The following DMD variants were observed in gnomAD, a reference collection of about 807,000 sequenced individuals.
DMD encodes mutant dystrophin.
A neutral mutation model predicts 330.1 loss-of-function variants in DMD; 63 were observed. That is an observed-to-expected ratio of 0.19 (90% CI 0.16 to 0.24). The LOEUF is 0.24. DMD is among the 10% of genes least tolerant of loss of function. The pLI is 1.00. For synonymous variants in DMD, 1,223 were observed against 959.8 expected, an observed-to-expected ratio of 1.27 and a Z score of -5.07; for missense variants, 3,344 against 2,684.1, an observed-to-expected ratio of 1.25 and a Z score of -5.43.
At chrX:31,630,360 G>A (rs1009302932) in intron 54 of DMD, among the ~76,000 whole-genome samples, 2 of 111,920 alleles carry the variant, frequency 1.8e-5, no homozygotes, top group African/African-American at 6.5e-5. Context: ...TGGAAAATAC[G>A]TTAAAAATTC....
intron 44 of DMD, among the ~76,000 whole-genome samples, chrX:31,998,449 G>A (rs1051532935): frequency 4.5e-5 from 5 of 111,968 alleles, no homozygotes; most frequent in African/African-American, 1.6e-4. Flanking sequence ...GACAGATGAA[G>A]TTAATTTTAA....
At chrX:33,309,978 C>T (rs1268420343) in intron 1 of DMD, among the ~76,000 whole-genome samples, 2 of 110,656 alleles carry the variant, frequency 1.8e-5, no homozygotes, top group East Asian at 5.7e-4. Context: ...GTCTGAAAAT[C>T]AAATGCAAGA....
chrX:32,666,192 CTT>C (rs962779294), intron 9 of DMD, among the ~76,000 whole-genome samples: 1 of 110,855 alleles, frequency 9.0e-6, no homozygotes, highest in African/African-American at 3.3e-5. Flanking sequence ...TCCTAGGTGT[CTT>C]TTTTTATTAT....
intron 1 of DMD, among the ~76,000 whole-genome samples, chrX:33,256,946 T>C (rs941029941): frequency 9.0e-6 from 1 of 110,811 alleles, no homozygotes; most frequent in African/African-American, 3.3e-5. Context: ...TTTGTAAACG[T>C]GTAACGGAGT....
At chrX:31,492,055 A>G (rs972414992) in intron 57 of DMD, among the ~76,000 whole-genome samples, 1 of 112,233 alleles carries the variant, frequency 8.9e-6, no homozygotes, top group South Asian at 3.7e-4. Flanking sequence ...ACTTTTTAAA[A>G]AAGTGGCACT....
chrX:32,322,672 C>T lies in DMD; in HGVS notation c.5923-12396G>A, dbSNP rs779910482. Among the ~76,000 whole-genome samples the T allele has an allele frequency of 4.5e-5, 5 of 111,476 alleles. No individual in the cohort carries two copies. In the East Asian group the frequency reaches 1.4e-3, roughly 31 times the overall value. On this transcript the variant is annotated intron_variant, in intron 41 of 78. Coordinates refer to ENST00000357033, the MANE Select transcript of DMD (RefSeq NM_004006.3). ...GTACTTCAATAGATGGGACAGACAGCAACTTTAGAGTTTGAGAGAAAGAAA... is the reference window on the plus strand; with the variant it reads ...GTACTTCAATAGATGGGACAGACAGTAACTTTAGAGTTTGAGAGAAAGAAA...
chrX:32,413,519 A>G (rs930102736), intron 29 of DMD, among the ~76,000 whole-genome samples: 18 of 108,404 alleles, frequency 1.7e-4, no homozygotes, highest in African/African-American at 6.1e-4. Context: ...CTCTCTCTCC[A>G]TTGTCTTTAC....
chrX:32,065,674 C>T (rs983804849), intron 44 of DMD, among the ~76,000 whole-genome samples: 1 of 111,646 alleles, frequency 9.0e-6, no homozygotes, highest in Admixed American at 9.5e-5. Context: ...AGAAGTATAA[C>T]CATGAAAAGT....
At chrX:31,596,727 A>C in intron 55 of DMD, among the ~76,000 whole-genome samples, 1 of 112,239 alleles carries the variant, frequency 8.9e-6, no homozygotes, top group Non-Finnish European at 1.9e-5. Context: ...TGCAAATTTC[A>C]AAGTTCTATG....
chrX:31,335,052 T>A (rs893609751), intron 61 of DMD, among the ~76,000 whole-genome samples: 2 of 112,213 alleles, frequency 1.8e-5, no homozygotes, highest in African/African-American at 6.5e-5. Context: ...CTAGCCCCTT[T>A]AGCCTGCTTT....
intron 60 of DMD, among the ~76,000 whole-genome samples, chrX:31,394,927 AGAGAGAAGGGT>A (rs1165966015): frequency 5.9e-5 from 6 of 102,513 alleles, no homozygotes; most frequent in Non-Finnish European, 9.9e-5. Context: ...ACTATGAGAG[AGAGAGAAGGGT>A]GAGAGAGAGA....
At chrX:33,247,215 A>T (rs1211748295) in intron 1 of DMD, among the ~76,000 whole-genome samples, 1 of 111,838 alleles carries the variant, frequency 8.9e-6, no homozygotes, top group East Asian at 2.8e-4. Context: ...TAAGTAAGAC[A>T]GCCAGGGGTT....
intron 60 of DMD, among the ~76,000 whole-genome samples, chrX:31,359,127 A>C (rs1332753217): frequency 8.9e-6 from 1 of 112,371 alleles, no homozygotes; most frequent in East Asian, 2.8e-4. Context: ...AATAAATAAG[A>C]AAACAAGGGG....
intron 44 of DMD, among the ~76,000 whole-genome samples, chrX:32,024,808 T>C (rs2095835428): frequency 8.9e-6 from 1 of 111,973 alleles, no homozygotes; most frequent in Non-Finnish European, 1.9e-5. Flanking sequence ...ATTATTATCA[T>C]CATCGCCATC....
chrX:32,778,208 T>C (rs1240802722), intron 7 of DMD, among the ~76,000 whole-genome samples: 9 of 105,648 alleles, frequency 8.5e-5, no homozygotes, highest in East Asian at 3.0e-4. Context: ...TAGGGATTTC[T>C]ACTGCTAAAC....
chrX:31,516,487 C>T (rs758267894), intron 55 of DMD, among the ~76,000 whole-genome samples: 5 of 111,012 alleles, frequency 4.5e-5, no homozygotes, highest in African/African-American at 1.6e-4. Flanking sequence ...TATGTGGCCA[C>T]GCAACACCTT....
At chrX:31,777,658 G>C (rs1427451594) in intron 50 of DMD, among the ~76,000 whole-genome samples, 1 of 111,150 alleles carries the variant, frequency 9.0e-6, no homozygotes, top group Non-Finnish European at 1.9e-5. Flanking sequence ...CTTGAGGTAA[G>C]GAATTATACT....
At chrX:32,335,491 A>G (rs1569558394) in intron 41 of DMD, among the ~76,000 whole-genome samples, 2 of 86,807 alleles carry the variant, frequency 2.3e-5, no homozygotes, top group African/African-American at 7.4e-5. Flanking sequence ...TAACATTTAT[A>G]TATACATGTT....
At chrX:32,981,861 A>G (rs2092716002) in intron 2 of DMD, among the ~76,000 whole-genome samples, 1 of 111,684 alleles carries the variant, frequency 9.0e-6, no homozygotes, top group Non-Finnish European at 1.9e-5. Context: ...AAAAATAAAG[A>G]AAAAAAGCAG....
Sources: allele counts gnomAD v4.1 joint callset (sites outside exome capture counted in the v4.1 genomes callset), GRCh38; gene constraint gnomAD v4.1.1; transcripts MANE v1.5; gene names NCBI Gene and HGNC (gene_info 2026-07-23, HGNC 2026-07-21).